Variants in PXK observed in about 807,000 individuals in gnomAD.
PXK encodes PX domain containing serine/threonine kinase like.
Under a neutral mutation model 84.7 loss-of-function variants are expected in PXK, and 35 were observed. The observed-to-expected ratio is 0.41, with a 90% CI of 0.32 to 0.55. The LOEUF is 0.55. Ranked by LOEUF, PXK falls within the 20% of genes least tolerant of loss-of-function variation. The pLI is 0.21. For synonymous variants in PXK, 253 were observed against 260.8 expected, an observed-to-expected ratio of 0.97 and a Z score of 0.29; for missense variants, 634 against 699.7, an observed-to-expected ratio of 0.91 and a Z score of 1.06.
At chr3:58,349,061 G>C (rs1317736831) in intron 1 of PXK, among the ~76,000 whole-genome samples, 1 of 152,076 alleles carries the variant, frequency 6.6e-6, no homozygotes, top group Non-Finnish European at 1.5e-5. Context: ...CTACTAGGCA[G>C]CAGAGATACA....
chr3:58,360,609 A>T (rs2098166958), intron 1 of PXK, among the ~76,000 whole-genome samples: 1 of 152,120 alleles, frequency 6.6e-6, no homozygotes, highest in East Asian at 1.9e-4. Context: ...GGGTGGGCAG[A>T]TCACTTGAGT....
chr3:58,423,565 AGTATT>A (rs2062294211), intron 17 of PXK: 1 of 1,517,780 alleles, frequency 6.6e-7, no homozygotes. Context: ...TACTTACCTG[AGTATT>A]GTGTTGGTGA....
At chr3:58,368,679 A>G (rs992319771) in intron 2 of PXK, among the ~76,000 whole-genome samples, 1 of 152,220 alleles carries the variant, frequency 6.6e-6, no homozygotes, top group African/African-American at 2.4e-5. Context: ...CCAAAGTACC[A>G]TACTGGGATA....
chr3:58,387,017 G>A (rs6770059), intron 4 of PXK, among the ~76,000 whole-genome samples: 15,053 of 152,266 alleles, frequency 0.099, 951 homozygotes, highest in African/African-American at 0.16. Context: ...ATCTGCTGTG[G>A]TGGACTAGGA....
rs1048668514 is a variant in PXK at position 58,424,650 on chromosome 3, CAT to C, written c.1529-101_1529-100del. 30 of 1,464,968 alleles carry C rather than the reference CAT, an allele frequency of 2.0e-5. 1 individual carries two copies. The highest frequency in any genetic ancestry group is 7.2e-5 in the Admixed American group (3 of 41,682). The allele number at this position is 1,464,968 out of a possible 1,614,324, so 90.7% of individuals were successfully genotyped here. The stretch of plus-strand genomic sequence containing the variant: ...GGTATGTTGGTCCCTCTGAGAAAAA[CAT>C]GTGGACTCTCACCAGTCCGTTGTGC... On this transcript the variant is annotated intron_variant, in intron 17 of 17. Coordinates refer to ENST00000356151, the MANE Select transcript of PXK (RefSeq NM_017771.5).
In PXK at chr3:58,382,649, G is replaced by A. The variant is rs767955731; in HGVS notation, c.337G>A (p.Glu113Lys). ...AACAAATCATATCTTGTCTAATTGT[G>A]AGCTGGTTAAGAAGTTTTTAGATCC... ...ITTNHILSNCELVKKFLDPNN... is the reference protein window; with the variant it reads ...ITTNHILSNCKLVKKFLDPNN... The change falls in exon 4 of 18, where the codon GAG becomes AAG. Residue 113 changes from glutamate (E) to lysine (K), a missense_variant. By Grantham distance (56) the Glu-to-Lys change is moderately conservative. Around this residue, in one of 3 missense-constraint regions of PXK, gnomAD observed 353 missense variants for 385.2 expected, o/e 0.92. Coordinates refer to ENST00000356151, the MANE Select transcript of PXK (RefSeq NM_017771.5). The A allele has an allele frequency of 1.1e-5, 17 of 1,590,620 alleles. No individual in the cohort carries two copies. The highest frequency in any genetic ancestry group is 3.3e-4 in the Middle Eastern group (2 of 5,992).
chr3:58,353,649 T>G (rs1016841086), intron 1 of PXK, among the ~76,000 whole-genome samples: 16 of 152,176 alleles, frequency 1.1e-4, no homozygotes, highest in African/African-American at 3.9e-4. Flanking sequence ...GCAAGCTGAA[T>G]TCTATGAGAA....
intron 7 of PXK, among the ~76,000 whole-genome samples, chr3:58,392,735 C>T (rs550328080): frequency 6.6e-5 from 10 of 151,494 alleles, no homozygotes; most frequent in African/African-American, 2.2e-4. Context: ...GATCTCGGCT[C>T]ACTGCAACCT....
intron 17 of PXK, chr3:58,420,448 ACTGT>A (rs1312181727): frequency 2.1e-5 from 31 of 1,446,814 alleles, no homozygotes; most frequent in Middle Eastern, 1.7e-4. Context: ...CTAATATTTT[ACTGT>A]CTGTTACTAT....
At chr3:58,362,823 C>T (rs2098211052) in intron 1 of PXK, among the ~76,000 whole-genome samples, 1 of 152,170 alleles carries the variant, frequency 6.6e-6, no homozygotes, top group Non-Finnish European at 1.5e-5. Context: ...AAGCAATTCT[C>T]CTTCCTCAGC....
Position 58,412,586 on chromosome 3 carries a change from G to C in PXK, c.1466-315G>C, listed in dbSNP as rs545371814. Among the ~76,000 whole-genome samples, 1 of 152,150 alleles carries C rather than the reference G, an allele frequency of 6.6e-6. No homozygotes were observed. Among genetic ancestry groups the C allele is most frequent in the South Asian group, 2.1e-4 (1 of 4,828 alleles). On this transcript the variant is annotated intron_variant, in intron 16 of 17. Transcript: ENST00000356151. The surrounding 1 kb of genome is among the most constrained non-coding windows in gnomAD (Gnocchi z 6.2). ...TCATTTGTCATTACCCAGGAGTGGA[G>C]GTTGCGTCAGGAAGAGATACTGCAG... is the stretch of plus-strand genomic sequence containing the variant.
At chr3:58,374,906 T>C (rs1298004382) in intron 3 of PXK, among the ~76,000 whole-genome samples, 1 of 152,134 alleles carries the variant, frequency 6.6e-6, no homozygotes, top group East Asian at 1.9e-4. Flanking sequence ...GATCTTAAAC[T>C]TAGGGCAGGA....
At chr3:58,338,051 A>C (rs1005651095) in intron 1 of PXK, among the ~76,000 whole-genome samples, 1 of 152,114 alleles carries the variant, frequency 6.6e-6, no homozygotes, top group African/African-American at 2.4e-5. Context: ...AATACTTTAA[A>C]AATTTCTTAG....
chr3:58,419,694 A>G (rs2061524880), intron 17 of PXK, among the ~76,000 whole-genome samples: 1 of 152,184 alleles, frequency 6.6e-6, no homozygotes, highest in Non-Finnish European at 1.5e-5. Context: ...TTCTCTGGCT[A>G]GCCTTGGGGA....
chr3:58,353,917 T>G (rs2098002958), intron 1 of PXK, among the ~76,000 whole-genome samples: 1 of 152,214 alleles, frequency 6.6e-6, no homozygotes, highest in Admixed American at 6.5e-5. Context: ...TGTGAGCCAG[T>G]GGGAGCCATG....
chr3:58,369,751 G>A (rs1000284786), intron 3 of PXK, among the ~76,000 whole-genome samples: 8 of 150,566 alleles, frequency 5.3e-5, no homozygotes, highest in African/African-American at 2.0e-4. Context: ...TTGAACCTGG[G>A]AAGCGGAGGT....
At chr3:58,357,868 T>C (rs759010474) in intron 1 of PXK, among the ~76,000 whole-genome samples, 1 of 152,034 alleles carries the variant, frequency 6.6e-6, no homozygotes, top group Non-Finnish European at 1.5e-5. Flanking sequence ...GAGAATTATA[T>C]GAACCCGGGA....
At position 58,333,008 on chromosome 3, in the gene PXK, CG is replaced by C; in HGVS notation, c.21del (p.Pro8GlnfsTer13). 7.3e-7 allele frequency: 1 copy of C among 1,368,528 alleles called. No individual in the cohort carries two copies. The highest frequency in any genetic ancestry group is 9.5e-7 in the Non-Finnish European group (1 of 1,048,144). The allele number at this position is 1,368,528 out of a possible 1,614,324, so 84.8% of individuals were successfully genotyped here. A position where few individuals can be genotyped will look rare whatever the true frequency, so the allele number is the denominator to read the frequency against. Reference protein sequence around the residue: MAFMEKPPAGKVLLDDT... With the variant: MAFMEKXPAGKVLLDDT... ...CCCGGGATGGCCTTCATGGAGAAGC[CG>C]CCAGCCGGCAAGGTGCTGCTGGACG... On this transcript the variant is annotated frameshift_variant, in exon 1 of 18. Coordinates refer to ENST00000356151, the MANE Select transcript of PXK (RefSeq NM_017771.5). LOFTEE classifies it high-confidence loss of function. The surrounding 1 kb of genome is among the most constrained non-coding windows in gnomAD (Gnocchi z 5.4).
intron 1 of PXK, among the ~76,000 whole-genome samples, chr3:58,334,928 G>GGTGTGTGTGTGT (rs143395201): frequency 2.3e-5 from 3 of 130,430 alleles, no homozygotes; most frequent in Non-Finnish European, 4.9e-5. Flanking sequence ...TTATTGTAAG[G>GGTGTGTGTGTGT]GTGTGTGTGT....
Sources: allele counts gnomAD v4.1 joint callset (sites outside exome capture counted in the v4.1 genomes callset), GRCh38; gene constraint gnomAD v4.1.1; regional missense constraint gnomAD v4.1.1; non-coding constraint Gnocchi (gnomAD v3.1); transcripts MANE v1.5; gene names NCBI Gene and HGNC (gene_info 2026-07-23, HGNC 2026-07-21).